The following SENP6 variants were observed in gnomAD, a reference collection of about 807,000 sequenced individuals.
The protein encoded by SENP6 is sentrin-specific protease 6.
In SENP6, 41 loss-of-function variants were observed where a neutral mutation model predicts 134.5. The ratio of observed to expected loss-of-function variants is 0.30; its 90% CI spans 0.24 to 0.40. The LOEUF (loss-of-function observed/expected upper bound fraction) is 0.40. Ranked by LOEUF, SENP6 falls within the 10% of genes least tolerant of loss-of-function variation. SENP6 has a pLI of 1.00. For missense variants in SENP6, 1,248 were observed against 1,312.5 expected, an observed-to-expected ratio of 0.95 and a Z score of 0.76; for synonymous variants, 395 against 429.8, an observed-to-expected ratio of 0.92 and a Z score of 1.00.
chr6:75,663,675 A>T (rs1055778988), intron 9 of SENP6, among the ~76,000 whole-genome samples, 157 bp downstream of exon 9: 4 of 152,092 alleles, frequency 2.6e-5, no homozygotes, highest in African/African-American at 9.7e-5. Flanking sequence ...ATAGTTAAAA[A>T]AAACAAAAAA....
At chr6:75,668,085 A>G (rs1378254824) in intron 10 of SENP6, among the ~76,000 whole-genome samples, 1 of 152,232 alleles carries the variant, frequency 6.6e-6, no homozygotes, top group Non-Finnish European at 1.5e-5. Context: ...GGAACCTTAA[A>G]AAATGAAAAA....
chr6:75,629,191 T>C (rs1380073224), intron 3 of SENP6, among the ~76,000 whole-genome samples: 1 of 152,286 alleles, frequency 6.6e-6, no homozygotes, highest in African/African-American at 2.4e-5. Context: ...CTTGTTACTT[T>C]TAGGTTTCTT....
intron 18 of SENP6, among the ~76,000 whole-genome samples, chr6:75,699,575 C>A (rs1378012370): frequency 6.6e-6 from 1 of 152,000 alleles, no homozygotes; most frequent in African/African-American, 2.4e-5. Context: ...GCAGCCTCAA[C>A]CTCCCAGGCT....
At chr6:75,645,451 A>G (rs1415009443) in intron 6 of SENP6, among the ~76,000 whole-genome samples, 1 of 152,168 alleles carries the variant, frequency 6.6e-6, no homozygotes, top group Non-Finnish European at 1.5e-5. Flanking sequence ...CACCATCTCT[A>G]CTAAAAATAA....
At chr6:75,617,239 A>G (rs1310874606) in intron 1 of SENP6, among the ~76,000 whole-genome samples, 1 of 123,036 alleles carries the variant, frequency 8.1e-6, no homozygotes, top group African/African-American at 2.9e-5. Context: ...AGTTTCAATG[A>G]TGGTTTGGAG....
chr6:75,675,359 T>A, intron 11 of SENP6, 76 bp from the exon 12 acceptor site: 1 of 816,310 alleles, frequency 1.2e-6, no homozygotes, highest in Non-Finnish European at 2.0e-6. Flanking sequence ...AGAAACATTC[T>A]AAGTATTTGA....
intron 16 of SENP6, among the ~76,000 whole-genome samples, chr6:75,686,187 A>T (rs1231893143): frequency 2.6e-5 from 4 of 152,070 alleles, no homozygotes; most frequent in Non-Finnish European, 5.9e-5. Flanking sequence ...GTTGGTTTAA[A>T]GTCTGTTTTA....
intron 3 of SENP6, among the ~76,000 whole-genome samples, chr6:75,626,363 A>G (rs970975381): frequency 2.6e-5 from 4 of 152,076 alleles, no homozygotes; most frequent in African/African-American, 9.6e-5. Flanking sequence ...ATATGTAAGC[A>G]TATACCACTT....
At chr6:75,625,499 T>C (rs1768613781) in intron 3 of SENP6, among the ~76,000 whole-genome samples, 1 of 152,316 alleles carries the variant, frequency 6.6e-6, no homozygotes, top group African/African-American at 2.4e-5. Flanking sequence ...TATATTTCCT[T>C]ATGTCATCAG....
chr6:75,645,347 G>A (rs1770349838), intron 6 of SENP6, among the ~76,000 whole-genome samples: 1 of 152,200 alleles, frequency 6.6e-6, no homozygotes. Flanking sequence ...CAGGTGTGGT[G>A]GTTTATGCCT....
chr6:75,703,820 G>A (rs1344677476), intron 19 of SENP6, among the ~76,000 whole-genome samples: 1 of 152,060 alleles, frequency 6.6e-6, no homozygotes, highest in African/African-American at 2.4e-5. Context: ...ATCCCATTGT[G>A]CCCTTTTTGT....
intron 14 of SENP6, 88 bp from the exon 15 acceptor site, chr6:75,678,495 T>C: frequency 1.4e-6 from 1 of 692,648 alleles, no homozygotes; most frequent in Non-Finnish European, 2.5e-6. Flanking sequence ...TCCTTTTGCA[T>C]TGAAAAGCAT....
intron 6 of SENP6, chr6:75,647,309 T>G (rs1770527592): frequency 6.4e-6 from 1 of 155,164 alleles, no homozygotes; most frequent in African/African-American, 2.4e-5. Context: ...GGATTATGTT[T>G]AAAATCCTTG....
chr6:75,701,824 G>C (rs2149899176), intron 18 of SENP6, among the ~76,000 whole-genome samples: 1 of 151,970 alleles, frequency 6.6e-6, no homozygotes, highest in Middle Eastern at 3.4e-3. Flanking sequence ...TATTTTAGTA[G>C]AGACGGGGTT....
chr6:75,622,268 A>G (rs551567771), intron 2 of SENP6, among the ~76,000 whole-genome samples: 74 of 152,288 alleles, frequency 4.9e-4, no homozygotes, highest in African/African-American at 1.8e-3. Flanking sequence ...TTCAACATCT[A>G]GTTTTTTGGC....
rs578252975 is a variant in SENP6, at chr6:75,680,191, G to A, written c.2075+1264G>A. ...AGTGGATATTAAGGAGGAGAGGAAA[G>A]GGTACCAGGTAGCTCCTAGTTTTCT... On this transcript the variant is annotated intron_variant, in intron 16 of 23. Coordinates refer to ENST00000447266, the MANE Select transcript of SENP6 (RefSeq NM_015571.4). Among the ~76,000 whole-genome samples, 5 of 152,302 alleles carry A rather than the reference G, an allele frequency of 3.3e-5. No homozygotes were observed. The South Asian group carries it at 1.0e-3, about 32-fold the overall frequency.
In SENP6 at chr6:75,685,846, T is replaced by C. The variant is rs539216681; in HGVS notation, c.2075+6919T>C. On this transcript the variant is annotated intron_variant, in intron 16 of 23. Transcript: ENST00000447266. Reference sequence around the variant, plus strand: ...GGTCAATTTTTGAATAAGTGCGATGTGGTGCTGAGAAGAATGTATATTCTG... The same window carrying C: ...GGTCAATTTTTGAATAAGTGCGATGCGGTGCTGAGAAGAATGTATATTCTG... 3.3e-5 allele frequency among the ~76,000 whole-genome samples: 5 copies of C among 152,320 alleles called. No individual in the cohort carries two copies. In the East Asian group the frequency reaches 5.8e-4, roughly 18 times the overall value.
chr6:75,707,976 G>A (rs1054099825), intron 19 of SENP6, among the ~76,000 whole-genome samples: 6 of 152,086 alleles, frequency 3.9e-5, no homozygotes, highest in Non-Finnish European at 7.4e-5. Flanking sequence ...CTAGGCCACT[G>A]TGCCCGGCCC....
rs1772959963 is a variant in SENP6, at chr6:75,674,807, GAA to G, written c.1393-626_1393-625del. ...ATAAAAATCTTCACACTGAAAAGTT[GAA>G]AGACTTTTGCAGTGAACATTTATAT... is the stretch of plus-strand genomic sequence containing the variant. On this transcript the variant is annotated intron_variant, in intron 11 of 23. Coordinates refer to ENST00000447266, the MANE Select transcript of SENP6 (RefSeq NM_015571.4). Among the ~76,000 whole-genome samples, 5 of 152,220 alleles carry G rather than the reference GAA, an allele frequency of 3.3e-5. No homozygotes were observed. In the South Asian group the frequency reaches 8.3e-4, roughly 25 times the overall value.
Sources: allele counts gnomAD v4.1 joint callset (sites outside exome capture counted in the v4.1 genomes callset), GRCh38; gene constraint gnomAD v4.1.1; transcripts MANE v1.5; gene names NCBI Gene and HGNC (gene_info 2026-07-23, HGNC 2026-07-21).